PLXNA4: variants seen among roughly 807,000 people sequenced by gnomAD.
PLXNA4 encodes plexin A4.
PLXNA4 carries 44 observed loss-of-function variants against 191.8 expected under a neutral mutation model. The ratio of observed to expected loss-of-function variants is 0.23; its 90% CI spans 0.18 to 0.29. PLXNA4 has a LOEUF of 0.29. PLXNA4 is among the 10% of genes least tolerant of loss of function. The pLI, the probability that PLXNA4 is intolerant of heterozygous loss-of-function variation, is 1.00. For synonymous variants in PLXNA4, 1,082 were observed against 1,009.5 expected (o/e 1.07, Z -1.36); for missense variants, 1,800 against 2,488.8 (o/e 0.72, Z 5.89).
At chr7:132,636,376 T>G (rs1803605835) in intron 2 of PLXNA4, among the ~76,000 whole-genome samples, 1 of 152,176 alleles carries the variant, frequency 6.6e-6, no homozygotes, top group African/African-American at 2.4e-5. Context: ...TCTAGCCACA[T>G]GGGTTGGGAG....
chr7:132,565,042 A>G (rs1203416714), intron 1 of PLXNA4, among the ~76,000 whole-genome samples: 1 of 152,052 alleles, frequency 6.6e-6, no homozygotes, highest in Non-Finnish European at 1.5e-5. Context: ...AGATCAGCAA[A>G]CACACGGGAG....
intron 2 of PLXNA4, among the ~76,000 whole-genome samples, chr7:132,607,693 C>T (rs1432784960): frequency 6.6e-6 from 1 of 152,174 alleles, no homozygotes; most frequent in Non-Finnish European, 1.5e-5. Flanking sequence ...ATTAATTAGG[C>T]CTCTTGCATT....
At chr7:132,363,042 T>C (rs1037695840) in intron 3 of PLXNA4, among the ~76,000 whole-genome samples, 54 of 152,280 alleles carry the variant, frequency 3.5e-4, no homozygotes, top group Admixed American at 3.1e-3. Context: ...TGGAGTGCAA[T>C]GGTGTGATCT....
intron 2 of PLXNA4, among the ~76,000 whole-genome samples, chr7:132,586,480 G>A (rs1419118496): frequency 6.6e-6 from 1 of 152,238 alleles, no homozygotes; most frequent in African/African-American, 2.4e-5. Flanking sequence ...GCCGGGCATG[G>A]TGGCTCACGC....
At chr7:132,640,833 A>G (rs1803729202) in intron 2 of PLXNA4, among the ~76,000 whole-genome samples, 1 of 152,122 alleles carries the variant, frequency 6.6e-6, no homozygotes, top group Admixed American at 6.5e-5. Context: ...TATCACTTAG[A>G]ACTCTTACAC....
chr7:132,244,020 T>G (rs916736708), intron 4 of PLXNA4, among the ~76,000 whole-genome samples: 1 of 152,188 alleles, frequency 6.6e-6, no homozygotes, highest in Non-Finnish European at 1.5e-5. Context: ...CCAGGACTTA[T>G]TCACTATCTT....
At chr7:132,561,718 TCTC>T (rs1393107050) in intron 1 of PLXNA4, among the ~76,000 whole-genome samples, 58 of 42,584 alleles carry the variant, frequency 1.4e-3, no homozygotes, top group African/African-American at 5.4e-3. Context: ...TCCTCCTCCT[TCTC>T]CTCCTCTTCC....
intron 4 of PLXNA4, among the ~76,000 whole-genome samples, chr7:132,272,334 C>G (rs1215624191): frequency 2.0e-5 from 3 of 152,212 alleles, no homozygotes; most frequent in African/African-American, 7.2e-5. Flanking sequence ...ACATTACAAA[C>G]TTCTCAGTTT....
At chr7:132,332,206 GC>G (rs2116699823) in intron 3 of PLXNA4, among the ~76,000 whole-genome samples, 1 of 152,348 alleles carries the variant, frequency 6.6e-6, no homozygotes, top group South Asian at 2.1e-4. Context: ...GTGGAAAGAA[GC>G]CTGAGATGTT....
At chr7:132,445,157 G>GAAAAAAAAAAAAAAAAAA (rs71529762) in intron 3 of PLXNA4, among the ~76,000 whole-genome samples, 2 of 53,792 alleles carry the variant, frequency 3.7e-5, no homozygotes, top group African/African-American at 6.6e-5. Flanking sequence ...TCCATCTCAG[G>GAAAAAAAAAAAAAAAAAA]AAAAAAAAAA....
intron 1 of PLXNA4, among the ~76,000 whole-genome samples, chr7:132,534,221 T>C (rs1288458667): frequency 6.6e-6 from 1 of 152,188 alleles, no homozygotes; most frequent in Non-Finnish European, 1.5e-5. Context: ...ACTACTTGGC[T>C]GGAACAGGGA....
At chr7:132,525,888 G>A (rs1799381991) in intron 1 of PLXNA4, among the ~76,000 whole-genome samples, 1 of 152,164 alleles carries the variant, frequency 6.6e-6, no homozygotes, top group South Asian at 2.1e-4. Context: ...GTGGTGCTTT[G>A]ATAAGCAAAC....
At chr7:132,436,813 C>T (rs1221930211) in intron 3 of PLXNA4, among the ~76,000 whole-genome samples, 1 of 151,486 alleles carries the variant, frequency 6.6e-6, no homozygotes, top group Non-Finnish European at 1.5e-5. Context: ...TTAAAATCCC[C>T]AGCCACTCCC....
intron 3 of PLXNA4, among the ~76,000 whole-genome samples, chr7:132,403,852 CT>C (rs1355215880): frequency 6.6e-6 from 1 of 152,168 alleles, no homozygotes; most frequent in Non-Finnish European, 1.5e-5. Flanking sequence ...CACTTGCCGA[CT>C]TTTGGTGTCC....
At chr7:132,206,886 G>A (rs1584844304) in intron 10 of PLXNA4, among the ~76,000 whole-genome samples, 1 of 152,130 alleles carries the variant, frequency 6.6e-6, no homozygotes, top group Non-Finnish European at 1.5e-5. Flanking sequence ...AGCCCAGGGA[G>A]GACAGGCTCC....
At chr7:132,224,404 C>T (rs926618489) in intron 8 of PLXNA4, among the ~76,000 whole-genome samples, 1 of 152,106 alleles carries the variant, frequency 6.6e-6, no homozygotes, top group East Asian at 1.9e-4. Context: ...GCCCTTCTCC[C>T]GTGAATCTCT....
chr7:132,359,293 C>T (rs1803838371), intron 3 of PLXNA4, among the ~76,000 whole-genome samples: 1 of 148,168 alleles, frequency 6.7e-6, no homozygotes. Flanking sequence ...TCAATCTCAG[C>T]TCACTGCAAC....
At chr7:132,399,586 G>A (rs1304527402) in intron 3 of PLXNA4, among the ~76,000 whole-genome samples, 1 of 152,226 alleles carries the variant, frequency 6.6e-6, no homozygotes, top group African/African-American at 2.4e-5. Context: ...TGGGAAGAGT[G>A]TTCCAGAAGC....
chr7:132,240,467 T>C (rs907908008), intron 5 of PLXNA4, among the ~76,000 whole-genome samples: 1 of 152,212 alleles, frequency 6.6e-6, no homozygotes, highest in Non-Finnish European at 1.5e-5. Context: ...CCGGGCTTTA[T>C]TGGCCCAGTG....
Sources: allele counts gnomAD v4.1 joint callset (sites outside exome capture counted in the v4.1 genomes callset), GRCh38; gene constraint gnomAD v4.1.1; transcripts MANE v1.5; gene names NCBI Gene and HGNC (gene_info 2026-07-23, HGNC 2026-07-21).